Variants in ATP2C1 observed in about 807,000 individuals in gnomAD.
ATP2C1 encodes the protein ATPase secretory pathway Ca2+ transporting 1.
A neutral mutation model predicts 120.5 loss-of-function variants in ATP2C1; 31 were observed. The observed-to-expected ratio is 0.26, with a 90% CI of 0.19 to 0.35. ATP2C1 has a LOEUF of 0.35. ATP2C1 is among the 10% of genes least tolerant of loss of function. The pLI, the probability that ATP2C1 is intolerant of heterozygous loss-of-function variation, is 1.00. For synonymous variants in ATP2C1, 351 were observed against 358.7 expected, an observed-to-expected ratio of 0.98 and a Z score of 0.24; for missense variants, 731 against 1,107.5, an observed-to-expected ratio of 0.66 and a Z score of 4.83.
rs114859971 is a variant in ATP2C1 at position 130,870,059 on chromosome 3, A to T, written c.108+19131A>T. On this transcript the variant is annotated intron_variant, in intron 1 of 26. Coordinates refer to the ATP2C1 transcript ENST00000504381. ...GAAAATTCTAGGTCCCTAAAGAATG[A>T]TGCTAAATCTACTTTGCTTGTGCTC... 9.6e-3 allele frequency among the ~76,000 whole-genome samples: 1,460 copies of T among 152,330 alleles called. 17 individuals are homozygous for T. The highest frequency in any genetic ancestry group is 0.031 in the African/African-American group (1,305 of 41,564).
intron 1 of ATP2C1, among the ~76,000 whole-genome samples, chr3:130,876,332 C>G (rs114230984): frequency 1.1e-3 from 166 of 152,060 alleles, no homozygotes; most frequent in African/African-American, 3.9e-3. Flanking sequence ...TAATTTAATT[C>G]TTCTTTAATA....
downstream of ATP2C1, among the ~76,000 whole-genome samples, chr3:131,007,739 C>G (rs2063170769): frequency 6.6e-6 from 1 of 152,106 alleles, no homozygotes; most frequent in Admixed American, 6.5e-5. Context: ...CAATTTGGTG[C>G]CATCTTAGGG....
rs115989229 is a variant in ATP2C1 at position 130,932,929 on chromosome 3, A to G, written c.234+791A>G. Among the ~76,000 whole-genome samples the G allele has an allele frequency of 7.6e-3, 1,158 of 152,310 alleles. 18 individuals are homozygous for G. Among genetic ancestry groups the G allele is most frequent in the African/African-American group, 0.027 (1,102 of 41,578 alleles). On this transcript the variant is annotated intron_variant, in intron 4 of 27. Coordinates refer to ENST00000510168, the MANE Select transcript of ATP2C1 (RefSeq NM_001378687.1). ...GAATGAGTTTGTCTAAAGTAGCAAC[A>G]CTGGAATTTTAAAGGTTGGATGAAC...
intron 8 of ATP2C1, among the ~76,000 whole-genome samples, chr3:130,946,383 C>T (rs955904662): frequency 8.5e-5 from 13 of 152,174 alleles, no homozygotes; most frequent in African/African-American, 2.9e-4. Context: ...GTTTTCAGGG[C>T]TTGTTCCTTT....
chr3:130,945,279 G>C (rs1032422019), intron 8 of ATP2C1, among the ~76,000 whole-genome samples: 1 of 152,068 alleles, frequency 6.6e-6, no homozygotes, highest in East Asian at 1.9e-4. Flanking sequence ...CCAATGGATT[G>C]GTCGGACAAT....
chr3:130,877,766 G>A (rs1418346970), intron 1 of ATP2C1, among the ~76,000 whole-genome samples: 1 of 152,036 alleles, frequency 6.6e-6, no homozygotes, highest in Non-Finnish European at 1.5e-5. Context: ...AATATCATTT[G>A]ACCTAGCCAT....
At position 130,883,939 on chromosome 3, in the gene ATP2C1, TTTC is replaced by T. The variant is rs767084978; in HGVS notation, c.108+33017_108+33019del. Among the ~76,000 whole-genome samples the T allele has an allele frequency of 5.4e-5, 6 of 110,142 alleles. No homozygotes were observed. The South Asian group carries it at 1.9e-3, about 34-fold the overall frequency. The allele number at this position is 110,142 out of a possible 152,430, so 72.3% of individuals were successfully genotyped here. A position where few individuals can be genotyped will look rare whatever the true frequency, so the allele number is the denominator to read the frequency against. On this transcript the variant is annotated intron_variant, in intron 1 of 26. Transcript: ENST00000504381. ...CTTTTCTTTCTTTCTTTCTTTTTCTTTTCTTCTTTTTTTTTTTTTTTTGATAGA... is the reference window on the plus strand; with the variant it reads ...CTTTTCTTTCTTTCTTTCTTTTTCTTTTCTTTTTTTTTTTTTTTTGATAGA...
At chr3:130,947,265 A>G (rs368318096) in intron 8 of ATP2C1, among the ~76,000 whole-genome samples, 2 of 152,164 alleles carry the variant, frequency 1.3e-5, no homozygotes, top group East Asian at 3.8e-4. Context: ...AAAAAAAATT[A>G]TTAAAACAGC....
intron 8 of ATP2C1, among the ~76,000 whole-genome samples, chr3:130,945,648 G>T (rs1310929537): frequency 6.6e-6 from 1 of 151,788 alleles, no homozygotes; most frequent in Non-Finnish European, 1.5e-5. Context: ...AGTTTGCTCA[G>T]AATGATGGTT....
intron 27 of ATP2C1, among the ~76,000 whole-genome samples, 155 bp downstream of exon 27, chr3:130,999,814 G>A (rs2062802133): frequency 6.6e-6 from 1 of 152,094 alleles, no homozygotes; most frequent in Non-Finnish European, 1.5e-5. Flanking sequence ...GAAGCTCAGG[G>A]GAATTACTCT....
Position 130,894,812 on chromosome 3 carries a change from T to C in ATP2C1, c.6+37T>C. 6.3e-7 allele frequency: 1 copy of C among 1,588,168 alleles called. No homozygotes were observed. The highest frequency in any genetic ancestry group is 8.6e-7 in the Non-Finnish European group (1 of 1,156,346). ...TGGCCGACCGGTTGCAACGCGGAGT[T>C]GAGGGTGTGGTGGTTTGCTTTTAAG... On this transcript the variant is annotated intron_variant, in intron 2 of 27. Transcript: ENST00000510168. This position sits in a 1 kb window ranked among gnomAD's most constrained non-coding sequence, Gnocchi z 4.5.
chr3:130,916,319 G>C (rs1576697615), intron 2 of ATP2C1, among the ~76,000 whole-genome samples: 1 of 151,968 alleles, frequency 6.6e-6, no homozygotes, highest in East Asian at 1.9e-4. Flanking sequence ...GGGAGGCTGA[G>C]ACAGAAGAAT....
intron 2 of ATP2C1, among the ~76,000 whole-genome samples, chr3:130,903,780 C>G (rs1475506467): frequency 6.7e-6 from 1 of 149,386 alleles, no homozygotes; most frequent in East Asian, 1.9e-4. Flanking sequence ...TCACTGAAGG[C>G]TTTAAAAAAC....
chr3:131,009,482 C>T (rs1364074974), intron 26 of ATP2C1, among the ~76,000 whole-genome samples: 2 of 152,116 alleles, frequency 1.3e-5, no homozygotes, highest in East Asian at 3.8e-4. Context: ...TGATTTCTGT[C>T]CCTAAAAACA....
intron 2 of ATP2C1, among the ~76,000 whole-genome samples, chr3:130,913,490 G>A (rs1411087467): frequency 6.6e-6 from 1 of 152,194 alleles, no homozygotes; most frequent in East Asian, 1.9e-4. Flanking sequence ...TCATGTGACA[G>A]TGTTTATAAA....
Position 131,016,360 on chromosome 3 carries a change from A to T in ATP2C1, c.*171A>T, listed in dbSNP as rs761832164. 2.5e-6 allele frequency: 4 copies of T among 1,614,008 alleles called. 1 individual carries two copies. ...CTTACCTAAATAAAGAAACAGCCCA[A>T]GGGCAGTATTTCTAAAAGCACTGTA... On this transcript the variant is annotated 3_prime_UTR_variant, in exon 27 of 27. Coordinates refer to the ATP2C1 transcript ENST00000328560.
At chr3:130,984,350 A>G (rs954796136) in intron 20 of ATP2C1, among the ~76,000 whole-genome samples, 1 of 152,184 alleles carries the variant, frequency 6.6e-6, no homozygotes, top group Non-Finnish European at 1.5e-5. Flanking sequence ...AAATTCCTGC[A>G]TGTGAAATGA....
At chr3:130,865,159 C>A (rs2068129248) in intron 1 of ATP2C1, among the ~76,000 whole-genome samples, 1 of 152,202 alleles carries the variant, frequency 6.6e-6, no homozygotes, top group African/African-American at 2.4e-5. Flanking sequence ...GGATGTGAGA[C>A]CTGGAGTCAA....
chr3:130,988,908 T>C (rs1017126871), intron 20 of ATP2C1, among the ~76,000 whole-genome samples: 2 of 152,072 alleles, frequency 1.3e-5, no homozygotes, highest in Admixed American at 6.6e-5. Flanking sequence ...GTGTAACCAA[T>C]TGGAGGCCTC....
Sources: gnomAD v4.1 joint callset for allele counts (sites outside exome capture counted in the v4.1 genomes callset) on GRCh38, gnomAD v4.1.1 for gene constraint, Gnocchi (gnomAD v3.1) non-coding constraint, MANE v1.5 for transcripts, NCBI Gene and HGNC (gene_info 2026-07-23, HGNC 2026-07-21) for gene names.